PDE11A: variants seen among roughly 807,000 people sequenced by gnomAD.
PDE11A encodes phosphodiesterase 11A, also known as dual 3',5'-cyclic-AMP and -GMP phosphodiesterase 11A.
In PDE11A, 100 loss-of-function variants were observed where a neutral mutation model predicts 100.5. The ratio of observed to expected loss-of-function variants is 1.00; its 90% CI spans 0.85 to 1.18. The LOEUF (loss-of-function observed/expected upper bound fraction) is 1.18, where lower values mean the gene tolerates loss of function less well. Among genes scored for constraint, PDE11A ranks in the 50% most tolerant of loss-of-function variants. The pLI is 0.00. For missense variants in PDE11A, 1,141 were observed against 1,152.6 expected, an observed-to-expected ratio of 0.99 and a Z score of 0.15; for synonymous variants, 381 against 420.8, an observed-to-expected ratio of 0.91 and a Z score of 1.16.
At chr2:177,666,753 C>G (rs2080593449) in intron 18 of PDE11A, among the ~76,000 whole-genome samples, 1 of 151,626 alleles carries the variant, frequency 6.6e-6, no homozygotes, top group Non-Finnish European at 1.5e-5. Context: ...AGTTATCTTT[C>G]TATTGTTCAG....
At chr2:177,658,449 C>T (rs1181624314) in intron 19 of PDE11A, among the ~76,000 whole-genome samples, 2 of 151,460 alleles carry the variant, frequency 1.3e-5, no homozygotes, top group African/African-American at 4.9e-5. Context: ...TTCCTTCTCT[C>T]CTCCCCTTCC....
At chr2:178,007,823 G>A (rs2086229601) in intron 2 of PDE11A, among the ~76,000 whole-genome samples, 1 of 152,030 alleles carries the variant, frequency 6.6e-6, no homozygotes, top group Admixed American at 6.6e-5. Context: ...TCCTGCCTCA[G>A]CCTCCCAAGT....
intron 10 of PDE11A, among the ~76,000 whole-genome samples, chr2:177,745,762 T>C (rs114895154): frequency 0.034 from 5,124 of 152,172 alleles, 151 homozygotes; most frequent in Non-Finnish European, 0.048. Context: ...CATATGTGAG[T>C]GTATTTGTTT....
chr2:177,769,325 TA>T lies in PDE11A; in HGVS notation c.1785del (p.Phe595LeufsTer29). 6.3e-7 allele frequency: 1 copy of T among 1,586,626 alleles called. No homozygotes were observed. The highest frequency in any genetic ancestry group is 1.1e-5 in the South Asian group (1 of 90,528). ...ATCSKAEVDK[F>X]KAANIPLVSE... is the part of the protein sequence containing the mutation. ...AAGGAAACCATTTTCTTCCTTACCT[TA>T]AACTTGTCAACTTCAGCTTTTGAAC... On this transcript the variant is annotated frameshift_variant, in exon 10 of 20. Transcript: ENST00000286063. LOFTEE classifies it high-confidence loss of function.
intron 2 of PDE11A, among the ~76,000 whole-genome samples, chr2:177,952,295 T>C (rs982122010): frequency 6.6e-6 from 1 of 152,194 alleles, no homozygotes; most frequent in Non-Finnish European, 1.5e-5. Flanking sequence ...TCCATTCCAC[T>C]TTCTTCCAGT....
chr2:177,639,756 G>A (rs10497496), intron 19 of PDE11A, among the ~76,000 whole-genome samples: 3,639 of 152,242 alleles, frequency 0.024, 132 homozygotes, highest in African/African-American at 0.082. Context: ...GTTGACCACA[G>A]TTACCTCTTG....
At chr2:177,735,681 A>G (rs1332330921) in intron 10 of PDE11A, among the ~76,000 whole-genome samples, 1 of 152,206 alleles carries the variant, frequency 6.6e-6, no homozygotes, top group Admixed American at 6.5e-5. Flanking sequence ...GACTTCCTCT[A>G]ATAGGCTTGG....
At chr2:178,097,499 C>A (rs917645510) in intron 2 of PDE11A, among the ~76,000 whole-genome samples, 1 of 152,118 alleles carries the variant, frequency 6.6e-6, no homozygotes, top group African/African-American at 2.4e-5. Flanking sequence ...ACAAGAACAG[C>A]ATGAGGGAAA....
At chr2:177,689,424 G>C (rs530638181) in intron 15 of PDE11A, among the ~76,000 whole-genome samples, 20 of 152,320 alleles carry the variant, frequency 1.3e-4, no homozygotes, top group Admixed American at 9.8e-4. Context: ...TCAGGCAGGG[G>C]TTGCAGGGTG....
chr2:177,631,535 ATATATATATATACACATG>A (rs1190619476), intron 19 of PDE11A, among the ~76,000 whole-genome samples: 88 of 31,870 alleles, frequency 2.8e-3, no homozygotes, highest in African/African-American at 8.9e-3. Context: ...ATATATATAT[ATATATATATATACACATG>A]TATATATATA....
upstream of PDE11A, among the ~76,000 whole-genome samples, chr2:178,075,545 C>T (rs1387188641): frequency 4.9e-5 from 5 of 102,846 alleles, no homozygotes; most frequent in African/African-American, 2.1e-4. Flanking sequence ...GAGTGAGACT[C>T]TGTCTCAAAA....
chr2:177,814,851 G>T (rs1354901873), intron 9 of PDE11A, among the ~76,000 whole-genome samples: 1 of 152,206 alleles, frequency 6.6e-6, no homozygotes, highest in Non-Finnish European at 1.5e-5. Context: ...GGTAGGAGTA[G>T]TGCCAGTGAG....
chr2:178,044,702 C>T (rs1260813492), intron 1 of PDE11A, among the ~76,000 whole-genome samples: 2 of 152,074 alleles, frequency 1.3e-5, no homozygotes, highest in Non-Finnish European at 2.9e-5. Flanking sequence ...TCTTACCTTT[C>T]AGACAGCAAG....
At chr2:177,949,054 A>T (rs1439295845) in intron 2 of PDE11A, among the ~76,000 whole-genome samples, 2 of 152,220 alleles carry the variant, frequency 1.3e-5, no homozygotes, top group African/African-American at 2.4e-5. Flanking sequence ...AAAACATCTT[A>T]AAAAGACAGG....
chr2:177,981,480 A>T (rs2085881132), intron 2 of PDE11A, among the ~76,000 whole-genome samples: 1 of 150,528 alleles, frequency 6.6e-6, no homozygotes, highest in African/African-American at 2.4e-5. Flanking sequence ...TTCACATGGC[A>T]TTCTCCCTGT....
At chr2:177,853,981 G>A (rs2083783656) in intron 5 of PDE11A, among the ~76,000 whole-genome samples, 1 of 149,118 alleles carries the variant, frequency 6.7e-6, no homozygotes. Flanking sequence ...CACACACACA[G>A]CAAGAAAGGG....
At chr2:177,937,071 TC>T (rs2085284039) in intron 2 of PDE11A, among the ~76,000 whole-genome samples, 1 of 152,134 alleles carries the variant, frequency 6.6e-6, no homozygotes. Flanking sequence ...TTGTGAGGCA[TC>T]TCTTTACACA....
Position 177,776,111 on chromosome 2 carries a change from T to A in PDE11A, c.1738-6738A>T, listed in dbSNP as rs144203728. Among the ~76,000 whole-genome samples, 291 of 152,292 alleles carry A rather than the reference T, an allele frequency of 1.9e-3. 1 individual carries two copies. Among genetic ancestry groups the A allele is most frequent in the African/African-American group, 6.7e-3 (280 of 41,550 alleles). ...GCCTGAATTAGTGTATTTTTTTCAA[T>A]GAAATCATGATATGCCTTATATATG... On this transcript the variant is annotated intron_variant, in intron 9 of 19. Coordinates refer to ENST00000286063, the MANE Select transcript of PDE11A (RefSeq NM_016953.4).
intron 4 of PDE11A, among the ~76,000 whole-genome samples, chr2:177,894,554 A>T (rs1574258980): frequency 6.6e-6 from 1 of 152,212 alleles, no homozygotes; most frequent in African/African-American, 2.4e-5. Context: ...AAATGGAAGG[A>T]AAGTCGAATA....
Sources: allele counts gnomAD v4.1 joint callset (sites outside exome capture counted in the v4.1 genomes callset), GRCh38; gene constraint gnomAD v4.1.1; transcripts MANE v1.5; gene names NCBI Gene and HGNC (gene_info 2026-07-23, HGNC 2026-07-21).